ERC2: variants seen among roughly 807,000 people sequenced by gnomAD.
ERC2 encodes ELKS/RAB6-interacting/CAST family member 2.
ERC2 carries 42 observed loss-of-function variants against 114.8 expected under a neutral mutation model. That is an observed-to-expected ratio of 0.37 (90% CI 0.29 to 0.47). The LOEUF is 0.47. ERC2 is among the 20% of genes least tolerant of loss of function. The pLI is 0.99. For synonymous variants in ERC2, 454 were observed against 425.5 expected (o/e 1.07, Z -0.82); for missense variants, 939 against 1,150.7 (o/e 0.82, Z 2.66).
Position 55,534,170 on chromosome 3 carries a change from G to A in ERC2, c.*40-22894C>T, listed in dbSNP as rs151111773. ...GCAGTGGCTCATGGCCATAATGCCA[G>A]CACTTTGGAAGGCCAAGGTAGGAGG... is the stretch of plus-strand genomic sequence containing the variant. On this transcript the variant is annotated intron_variant, in intron 17 of 17. Coordinates refer to ENST00000288221, the MANE Select transcript of ERC2 (RefSeq NM_015576.3). Among the ~76,000 whole-genome samples the A allele has an allele frequency of 9.2e-5, 14 of 152,350 alleles. No homozygotes were observed. The East Asian group carries it at 2.1e-3, about 23-fold the overall frequency.
chr3:56,033,054 A>AAC (rs761407299), intron 7 of ERC2, among the ~76,000 whole-genome samples: 2,508 of 118,734 alleles, frequency 0.021, 64 homozygotes, highest in Non-Finnish European at 0.029. Context: ...GAAAGAAAGA[A>AAC]AGAAAGAAAG....
At chr3:55,625,623 C>T (rs1575818630) in intron 17 of ERC2, among the ~76,000 whole-genome samples, 1 of 151,590 alleles carries the variant, frequency 6.6e-6, no homozygotes, top group African/African-American at 2.4e-5. Flanking sequence ...TGGTGGCGGG[C>T]GCCTGTAGTC....
intron 9 of ERC2, among the ~76,000 whole-genome samples, chr3:56,009,009 A>G (rs556044191): frequency 6.6e-6 from 1 of 152,290 alleles, no homozygotes; most frequent in African/African-American, 2.4e-5. Context: ...TGACTGACAC[A>G]CCCAGCCCAG....
intron 14 of ERC2, among the ~76,000 whole-genome samples, chr3:55,861,806 A>C (rs1162734302): frequency 6.6e-6 from 1 of 152,234 alleles, no homozygotes; most frequent in African/African-American, 2.4e-5. Flanking sequence ...TGCCTTGGGC[A>C]AATTTATCTA....
intron 3 of ERC2, among the ~76,000 whole-genome samples, chr3:56,237,362 T>C (rs537565582): frequency 6.6e-6 from 1 of 152,324 alleles, no homozygotes; most frequent in South Asian, 2.1e-4. Flanking sequence ...TCATCTTTAC[T>C]ATGAAGCAAC....
chr3:55,671,419 T>C (rs908757550), intron 17 of ERC2, among the ~76,000 whole-genome samples: 2 of 152,210 alleles, frequency 1.3e-5, no homozygotes, highest in Admixed American at 1.3e-4. Context: ...ATATTTACTA[T>C]CTGGACATTG....
chr3:56,013,457 G>A (rs761061304), intron 8 of ERC2, among the ~76,000 whole-genome samples: 10 of 152,142 alleles, frequency 6.6e-5, no homozygotes, highest in Non-Finnish European at 1.0e-4. Flanking sequence ...AGATCTTTGA[G>A]TTTTAGTCTT....
At chr3:55,973,423 T>G (rs1389978400) in intron 12 of ERC2, among the ~76,000 whole-genome samples, 5 of 152,188 alleles carry the variant, frequency 3.3e-5, no homozygotes, top group African/African-American at 1.2e-4. Flanking sequence ...CTATTTTGGT[T>G]GCATGGGAAG....
At chr3:56,256,371 C>T (rs547813398) in intron 3 of ERC2, among the ~76,000 whole-genome samples, 129 of 152,210 alleles carry the variant, frequency 8.5e-4, no homozygotes, top group East Asian at 1.2e-3. Context: ...ATTAAACTAA[C>T]ATGAGCTGAC....
chr3:55,838,667 T>C (rs1238418763), intron 14 of ERC2, among the ~76,000 whole-genome samples: 1 of 151,856 alleles, frequency 6.6e-6, no homozygotes, highest in Admixed American at 6.6e-5. Context: ...GTTTGTTCTT[T>C]GAAAAGATCA....
At chr3:55,836,000 A>G (rs1223126945) in intron 14 of ERC2, among the ~76,000 whole-genome samples, 6 of 151,514 alleles carry the variant, frequency 4.0e-5, no homozygotes, top group African/African-American at 1.5e-4. Flanking sequence ...ACTCCCATTC[A>G]CAATTGTTTC....
At chr3:55,667,684 C>A (rs2061406413) in intron 17 of ERC2, among the ~76,000 whole-genome samples, 1 of 152,342 alleles carries the variant, frequency 6.6e-6, no homozygotes, top group African/African-American at 2.4e-5. Context: ...TCACTTAGTG[C>A]CTGGCCATAC....
At chr3:55,975,613 G>A (rs1257625873) in intron 12 of ERC2, among the ~76,000 whole-genome samples, 4 of 152,122 alleles carry the variant, frequency 2.6e-5, no homozygotes, top group Non-Finnish European at 5.9e-5. Context: ...TCTAGCTTGG[G>A]CTACTGCCTA....
intron 17 of ERC2, among the ~76,000 whole-genome samples, chr3:55,602,356 G>C (rs978267407): frequency 6.6e-6 from 1 of 152,216 alleles, no homozygotes; most frequent in African/African-American, 2.4e-5. Flanking sequence ...CCATGGAATA[G>C]TGAATGTCCA....
chr3:55,951,168 G>A (rs1170296963), intron 12 of ERC2, among the ~76,000 whole-genome samples: 1 of 152,184 alleles, frequency 6.6e-6, no homozygotes, highest in Non-Finnish European at 1.5e-5. Flanking sequence ...CAGGGCCCAG[G>A]CTCATAGGGC....
At chr3:56,346,896 A>G (rs1204274726) in intron 2 of ERC2, among the ~76,000 whole-genome samples, 1 of 152,218 alleles carries the variant, frequency 6.6e-6, no homozygotes, top group African/African-American at 2.4e-5. Flanking sequence ...TGGAGTTCAC[A>G]GCCACAAACC....
At chr3:55,532,357 T>C (rs1243803343) in intron 17 of ERC2, among the ~76,000 whole-genome samples, 1 of 152,192 alleles carries the variant, frequency 6.6e-6, no homozygotes, top group African/African-American at 2.4e-5. Flanking sequence ...TGCTTTCATT[T>C]TATGATTACA....
intron 17 of ERC2, among the ~76,000 whole-genome samples, chr3:55,519,614 A>G (rs1334684841): frequency 6.6e-6 from 1 of 152,204 alleles, no homozygotes; most frequent in Non-Finnish European, 1.5e-5. Context: ...TCAAATTCCC[A>G]TGGCTCCCAA....
intron 4 of ERC2, among the ~76,000 whole-genome samples, chr3:56,157,627 C>T (rs1476161801): frequency 1.3e-5 from 2 of 152,104 alleles, no homozygotes; most frequent in Non-Finnish European, 2.9e-5. Context: ...AGCCTTCTAG[C>T]AAGCTGAACT....
Sources: gnomAD v4.1 joint callset for allele counts (sites outside exome capture counted in the v4.1 genomes callset) on GRCh38, gnomAD v4.1.1 for gene constraint, MANE v1.5 for transcripts, NCBI Gene and HGNC (gene_info 2026-07-23, HGNC 2026-07-21) for gene names.